The following FBXO16 variants were observed in gnomAD, a reference collection of about 807,000 sequenced individuals.
FBXO16 encodes F-box protein 16.
FBXO16 carries 31 observed loss-of-function variants against 41.0 expected under a neutral mutation model. That is an observed-to-expected ratio of 0.76 (90% CI 0.57 to 1.02). The LOEUF (loss-of-function observed/expected upper bound fraction) is 1.02, where lower values mean the gene tolerates loss of function less well. Among genes scored for constraint, FBXO16 ranks in the 50% least tolerant of loss-of-function variants. The pLI is 0.00. For missense variants in FBXO16, 361 were observed against 346.2 expected, an observed-to-expected ratio of 1.04 and a Z score of -0.34; for synonymous variants, 133 against 117.8, an observed-to-expected ratio of 1.13 and a Z score of -0.84.
rs548845484 is a variant in FBXO16 at position 28,484,070 on chromosome 8, C to CT, written c.-16-609dup. ...GTCATACAGATAGCAAGTGGTGTAA[C>CT]TGGTAGTCAGACCCAGGTCAGTTTG... On this transcript the variant is annotated intron_variant, in intron 1 of 8. Transcript: ENST00000380254. Among the ~76,000 whole-genome samples, 284 of 152,300 alleles carry CT rather than the reference C, an allele frequency of 1.9e-3. 1 individual carries two copies. Among genetic ancestry groups the CT allele is most frequent in the Non-Finnish European group, 3.0e-3 (204 of 68,042 alleles).
intron 7 of FBXO16, among the ~76,000 whole-genome samples, chr8:28,432,795 G>A (rs529505740): frequency 6.6e-6 from 1 of 152,078 alleles, no homozygotes; most frequent in Non-Finnish European, 1.5e-5. Flanking sequence ...GGTGGCTCAC[G>A]CCTGTAATCC....
At chr8:28,471,347 G>A (rs986795961) in intron 3 of FBXO16, among the ~76,000 whole-genome samples, 6 of 151,846 alleles carry the variant, frequency 4.0e-5, no homozygotes, top group Admixed American at 3.3e-4. Context: ...CTAAGACAGT[G>A]CTTGATGTCT....
At chr8:28,489,716 C>CAAA (rs1554529611) in intron 1 of FBXO16, among the ~76,000 whole-genome samples, 1 of 88,370 alleles carries the variant, frequency 1.1e-5, no homozygotes. Flanking sequence ...CAAAAACCAA[C>CAAA]AAAAAAAAAA....
At chr8:28,479,900 CT>C (rs1361555014) in intron 2 of FBXO16, among the ~76,000 whole-genome samples, 540 of 142,340 alleles carry the variant, frequency 3.8e-3, no homozygotes, top group Middle Eastern at 7.3e-3. Flanking sequence ...TTTTATTTTA[CT>C]TTTTTTTTTT....
rs56197407 is a variant in FBXO16, at chr8:28,487,392, A to ATTT, written c.-17+2791_-17+2793dup. 6.3e-4 allele frequency among the ~76,000 whole-genome samples: 79 copies of ATTT among 125,734 alleles called. 1 individual carries two copies. Among genetic ancestry groups the ATTT allele is most frequent in the Middle Eastern group, 8.8e-3 (2 of 226 alleles). 82.5% of individuals were successfully genotyped at this position (125,734 alleles called of 152,430 possible). A position where few individuals can be genotyped will look rare whatever the true frequency, so the allele number is the denominator to read the frequency against. ...CCATTTGCTACTATTAAGAAGACAGATTTTTTTTTTTTTTTTTTTTGAGAT... is the reference window on the plus strand; with the variant it reads ...CCATTTGCTACTATTAAGAAGACAGATTTTTTTTTTTTTTTTTTTTTTTGAGAT... On this transcript the variant is annotated intron_variant, in intron 1 of 8. Transcript: ENST00000380254.
intron 7 of FBXO16, among the ~76,000 whole-genome samples, chr8:28,432,196 G>A (rs1233243392): frequency 1.3e-5 from 2 of 151,682 alleles, no homozygotes; most frequent in Non-Finnish European, 2.9e-5. Flanking sequence ...ACACGAGGCC[G>A]GGTGCAGTGG....
chr8:28,472,464 G>A (rs566508710), intron 3 of FBXO16, among the ~76,000 whole-genome samples: 7 of 152,294 alleles, frequency 4.6e-5, no homozygotes, highest in African/African-American at 1.4e-4. Context: ...GGCTGGGCAT[G>A]TGGTTCGCAC....
rs115109992 is a variant in FBXO16 at position 28,484,177 on chromosome 8, G to T, written c.-16-715C>A. Among the ~76,000 whole-genome samples, 649 of 152,288 alleles carry T rather than the reference G, an allele frequency of 4.3e-3. 7 individuals carry two copies. Among genetic ancestry groups the T allele is most frequent in the African/African-American group, 0.015 (625 of 41,536 alleles). ...GGACATACTATATTGGCCAGGAAGA[G>T]AAGTATTTTAAATTTAAAATCATCA... On this transcript the variant is annotated intron_variant, in intron 1 of 8. Coordinates refer to ENST00000380254, the MANE Select transcript of FBXO16 (RefSeq NM_172366.4).
rs149375489 is a variant in FBXO16 at position 28,446,214 on chromosome 8, C to T, written c.843+957G>A. Among the ~76,000 whole-genome samples, 14 of 117,556 alleles carry T rather than the reference C, an allele frequency of 1.2e-4. No homozygotes were observed. In the East Asian group the frequency reaches 2.2e-3, roughly 18 times the overall value. The allele number at this position is 117,556 out of a possible 152,430, so 77.1% of individuals were successfully genotyped here. A position where few individuals can be genotyped will look rare whatever the true frequency, so the allele number is the denominator to read the frequency against. The stretch of plus-strand genomic sequence containing the variant: ...TTTTTTTTTTTGAGACAGAGTCTCA[C>T]GCTGTTGCCCAGCCTGGAGTGCAGT... On this transcript the variant is annotated intron_variant, in intron 7 of 8. Coordinates refer to ENST00000380254, the MANE Select transcript of FBXO16 (RefSeq NM_172366.4).
intron 2 of FBXO16, 56 bp downstream of exon 2, chr8:28,483,290 AAT>A: frequency 6.9e-7 from 1 of 1,454,688 alleles, no homozygotes; most frequent in Non-Finnish European, 9.4e-7. Flanking sequence ...GTAAAATTTT[AAT>A]ATCTTTTTTC....
chr8:28,453,161 T>C (rs1802983537), intron 5 of FBXO16, among the ~76,000 whole-genome samples: 1 of 152,192 alleles, frequency 6.6e-6, no homozygotes, highest in Non-Finnish European at 1.5e-5. Context: ...GAAGAGGAAA[T>C]AGAATATAGG....
intron 7 of FBXO16, among the ~76,000 whole-genome samples, chr8:28,441,948 T>TGTGTA (rs1241990516): frequency 6.3e-4 from 44 of 69,364 alleles, no homozygotes; most frequent in African/African-American, 1.1e-3. Context: ...GTGTGTGTAT[T>TGTGTA]TTTTTTTTTT....
At chr8:28,439,457 G>T (rs13275554) in intron 7 of FBXO16, among the ~76,000 whole-genome samples, 93,289 of 151,716 alleles carry the variant, frequency 0.61, 29,079 homozygotes, top group East Asian at 0.82. Flanking sequence ...TGAACACCCG[G>T]CCGTGCACAG....
intron 1 of FBXO16, among the ~76,000 whole-genome samples, chr8:28,485,087 G>A (rs1239055951): frequency 1.3e-5 from 2 of 152,180 alleles, no homozygotes; most frequent in Non-Finnish European, 2.9e-5. Flanking sequence ...GGTTTCACAA[G>A]GACAGGTAGA....
At chr8:28,472,911 C>T (rs1012645551) in intron 3 of FBXO16, among the ~76,000 whole-genome samples, 2 of 152,108 alleles carry the variant, frequency 1.3e-5, no homozygotes, top group Non-Finnish European at 2.9e-5. Flanking sequence ...AACTCTTGAC[C>T]CTGACAGTAG....
At chr8:28,471,674 G>A (rs1803336743) in intron 3 of FBXO16, among the ~76,000 whole-genome samples, 1 of 151,924 alleles carries the variant, frequency 6.6e-6, no homozygotes, top group Non-Finnish European at 1.5e-5. Flanking sequence ...AAAAACAAGA[G>A]ACCATTATTT....
At chr8:28,434,014 G>A (rs1261210592) in intron 7 of FBXO16, among the ~76,000 whole-genome samples, 1 of 147,120 alleles carries the variant, frequency 6.8e-6, no homozygotes, top group South Asian at 2.1e-4. Flanking sequence ...AGGCTGGAGT[G>A]CAGTGGCACG....
At chr8:28,436,519 C>G (rs1802689605) in intron 7 of FBXO16, among the ~76,000 whole-genome samples, 1 of 152,128 alleles carries the variant, frequency 6.6e-6, no homozygotes, top group Non-Finnish European at 1.5e-5. Context: ...CTAAGCAACT[C>G]GAGCCAGGGT....
chr8:28,475,948 C>G (rs997679341), intron 2 of FBXO16, among the ~76,000 whole-genome samples: 1 of 152,146 alleles, frequency 6.6e-6, no homozygotes, highest in Non-Finnish European at 1.5e-5. Context: ...TTAAAAATCC[C>G]TGGGTCCAAA....
Sources: allele counts gnomAD v4.1 joint callset (sites outside exome capture counted in the v4.1 genomes callset), GRCh38; gene constraint gnomAD v4.1.1; transcripts MANE v1.5; gene names NCBI Gene and HGNC (gene_info 2026-07-23, HGNC 2026-07-21).